The following UVRAG variants were observed in gnomAD, a reference collection of about 807,000 sequenced individuals.
The protein encoded by UVRAG is UV radiation resistance associated.
Under a neutral mutation model 78.0 loss-of-function variants are expected in UVRAG, and 19 were observed. The observed-to-expected ratio is 0.24, with a 90% CI of 0.17 to 0.36. The LOEUF (loss-of-function observed/expected upper bound fraction) is 0.36. UVRAG is among the 10% of genes least tolerant of loss of function. The pLI, the probability that UVRAG is intolerant of heterozygous loss-of-function variation, is 1.00. For synonymous variants in UVRAG, 323 were observed against 324.6 expected, an observed-to-expected ratio of 1.00 and a Z score of 0.05; for missense variants, 740 against 853.8, an observed-to-expected ratio of 0.87 and a Z score of 1.66.
intron 3 of UVRAG, among the ~76,000 whole-genome samples, chr11:75,872,883 T>G (rs2134833610): frequency 6.6e-6 from 1 of 152,324 alleles, no homozygotes; most frequent in East Asian, 1.9e-4. Context: ...GTCAAATTAG[T>G]AGTATAGTAC....
intron 13 of UVRAG, among the ~76,000 whole-genome samples, chr11:76,081,157 T>G (rs1013108185): frequency 4.6e-5 from 7 of 152,196 alleles, no homozygotes; most frequent in Non-Finnish European, 2.9e-5. Context: ...CTTCTAACTC[T>G]TTGGTTTTCT....
chr11:75,991,680 A>G (rs1433312646), intron 8 of UVRAG, among the ~76,000 whole-genome samples: 1 of 152,176 alleles, frequency 6.6e-6, no homozygotes. Flanking sequence ...TATAACTAGC[A>G]TGATATATAA....
At chr11:75,825,409 G>T (rs11236542) in intron 1 of UVRAG, among the ~76,000 whole-genome samples, 17,996 of 152,132 alleles carry the variant, frequency 0.12, 1,201 homozygotes, top group East Asian at 0.22. Flanking sequence ...CACTGTGCCT[G>T]GCCAGTAAAG....
intron 14 of UVRAG, among the ~76,000 whole-genome samples, chr11:76,132,611 G>A (rs905653909): frequency 3.9e-5 from 6 of 152,080 alleles, no homozygotes; most frequent in African/African-American, 1.2e-4. Context: ...CTCTCTTGAT[G>A]TGGTAAATCT....
chr11:75,943,229 C>A (rs1948521526), intron 6 of UVRAG, among the ~76,000 whole-genome samples: 1 of 151,334 alleles, frequency 6.6e-6, no homozygotes, highest in African/African-American at 2.4e-5. Context: ...AGTTATCGAT[C>A]TATTCAGGTT....
At chr11:75,840,690 G>A (rs1016583858) in intron 1 of UVRAG, among the ~76,000 whole-genome samples, 5 of 152,150 alleles carry the variant, frequency 3.3e-5, no homozygotes, top group African/African-American at 7.2e-5. Context: ...CTCAATTAGC[G>A]ACCAGAACTA....
chr11:75,828,850 G>C (rs1945594066), intron 1 of UVRAG, among the ~76,000 whole-genome samples: 1 of 136,402 alleles, frequency 7.3e-6, no homozygotes, highest in South Asian at 2.3e-4. Flanking sequence ...TGGGACTACA[G>C]GTGCGCATGG....
Position 76,060,663 on chromosome 11 carries a change from C to CA in UVRAG, c.1227-5047_1227-5046insA, listed in dbSNP as rs532339785. ...TTGGCGGCCCCGCACTCGGAGTGGC[C>CA]GGCCGGCCCTGCTGGCCCCAGGCAG... On this transcript the variant is annotated intron_variant, in intron 12 of 14. Transcript: ENST00000356136. Among the ~76,000 whole-genome samples, 141 of 152,330 alleles carry CA rather than the reference C, an allele frequency of 9.3e-4. No homozygotes were observed. The Middle Eastern group carries it at 0.014, about 15-fold the overall frequency.
chr11:75,942,126 A>C (rs1217745910), intron 6 of UVRAG: 3 of 152,324 alleles, frequency 2.0e-5, no homozygotes, highest in Admixed American at 1.3e-4. Context: ...AAATATCTGA[A>C]TTGTTGAATA....
At position 76,142,870 on chromosome 11, in the gene UVRAG, C is replaced by G. The variant is rs918237991; in HGVS notation, c.*1457C>G. The G allele has an allele frequency of 6.6e-6, 1 of 152,404 alleles. No homozygotes were observed. The highest frequency in any genetic ancestry group is 2.4e-5 in the African/African-American group (1 of 41,444). 9.4% of individuals were successfully genotyped at this position (152,404 alleles called of 1,614,324 possible). A position where few individuals can be genotyped will look rare whatever the true frequency, so the allele number is the denominator to read the frequency against. On this transcript the variant is annotated 3_prime_UTR_variant, in exon 15 of 15. Transcript: ENST00000356136. The stretch of plus-strand genomic sequence containing the variant: ...CTGCATAACAGCTTCACTCACAGGC[C>G]TCACCGTCACTTTATTTTGTGTCCA...
At chr11:76,083,182 T>C (rs1448963067) in intron 13 of UVRAG, among the ~76,000 whole-genome samples, 1 of 152,234 alleles carries the variant, frequency 6.6e-6, no homozygotes, top group Non-Finnish European at 1.5e-5. Flanking sequence ...ATTCCTAGTC[T>C]TCACAATAAC....
chr11:76,127,032 T>C (rs1213099064), intron 14 of UVRAG, among the ~76,000 whole-genome samples: 1 of 152,224 alleles, frequency 6.6e-6, no homozygotes, highest in African/African-American at 2.4e-5. Flanking sequence ...TTGATTCCCT[T>C]CTTCACTGTA....
intron 11 of UVRAG, among the ~76,000 whole-genome samples, chr11:76,012,192 G>C (rs911553130): frequency 1.3e-5 from 2 of 151,358 alleles, no homozygotes; most frequent in South Asian, 4.2e-4. Context: ...TTTCAAAATA[G>C]AAAATAAGAA....
chr11:76,080,305 G>A (rs1003936592), intron 13 of UVRAG, among the ~76,000 whole-genome samples: 2 of 152,046 alleles, frequency 1.3e-5, no homozygotes, highest in African/African-American at 2.4e-5. Context: ...AGAGAGCATG[G>A]GGTTGAAGGC....
rs74883935 is a variant in UVRAG, at chr11:76,112,431, G to A, written c.1306-3493G>A. On this transcript the variant is annotated intron_variant, in intron 13 of 14. Transcript: ENST00000356136. ...TTACCTCCCATGCTATCCTTTCCCAGAAAGATATTATAGGATACACTCCAC... is the reference window on the plus strand; with the variant it reads ...TTACCTCCCATGCTATCCTTTCCCAAAAAGATATTATAGGATACACTCCAC... Among the ~76,000 whole-genome samples the A allele has an allele frequency of 5.7e-3, 868 of 152,188 alleles. 6 individuals are homozygous for A. The highest frequency in any genetic ancestry group is 0.02 in the African/African-American group (824 of 41,504).
intron 7 of UVRAG, among the ~76,000 whole-genome samples, chr11:75,980,357 G>A (rs1020255084): frequency 1.3e-5 from 2 of 151,958 alleles, no homozygotes; most frequent in Non-Finnish European, 2.9e-5. Context: ...TTATGGATGG[G>A]GTTTCACTGT....
chr11:75,895,006 T>C (rs1296009451), intron 5 of UVRAG, among the ~76,000 whole-genome samples: 1 of 152,178 alleles, frequency 6.6e-6, no homozygotes, highest in Non-Finnish European at 1.5e-5. Context: ...GGATATCATA[T>C]AGTTTTGAAG....
chr11:76,081,398 G>A (rs1951490946), intron 13 of UVRAG, among the ~76,000 whole-genome samples: 1 of 151,924 alleles, frequency 6.6e-6, no homozygotes, highest in African/African-American at 2.4e-5. Context: ...TAGAGACAGA[G>A]TTTCACCATG....
intron 2 of UVRAG, among the ~76,000 whole-genome samples, chr11:75,858,671 G>A (rs1403006831): frequency 6.6e-6 from 1 of 152,160 alleles, no homozygotes; most frequent in Non-Finnish European, 1.5e-5. Context: ...TGAAGTTTTG[G>A]TAGATATTGC....
Sources: allele counts gnomAD v4.1 joint callset (sites outside exome capture counted in the v4.1 genomes callset), GRCh38; gene constraint gnomAD v4.1.1; transcripts MANE v1.5; gene names NCBI Gene and HGNC (gene_info 2026-07-23, HGNC 2026-07-21).